The following SPPL3 variants were observed in gnomAD, a reference collection of about 807,000 sequenced individuals.
The protein encoded by SPPL3 is signal peptide peptidase-like 3.
Under a neutral mutation model 42.4 loss-of-function variants are expected in SPPL3, and 5 were observed. The ratio of observed to expected loss-of-function variants is 0.12; its 90% CI spans 0.06 to 0.25. SPPL3 has a LOEUF of 0.25. Ranked by LOEUF, SPPL3 falls within the 10% of genes least tolerant of loss-of-function variation. The probability of loss-of-function intolerance (pLI) is 1.00; values close to 1 mark genes in which losing one functional copy is unlikely to be tolerated. For synonymous variants in SPPL3, 195 were observed against 181.8 expected (o/e 1.07, Z -0.58); for missense variants, 235 against 489.0 (o/e 0.48, Z 4.90).
chr12:120,880,350 C>T (rs1462942047), intron 1 of SPPL3, among the ~76,000 whole-genome samples: 2 of 151,980 alleles, frequency 1.3e-5, no homozygotes, highest in Non-Finnish European at 2.9e-5. Flanking sequence ...GGCTTCATGA[C>T]ATTGGATTTG....
intron 6 of SPPL3, among the ~76,000 whole-genome samples, chr12:120,774,606 C>A: frequency 6.6e-6 from 1 of 152,146 alleles, no homozygotes; most frequent in Non-Finnish European, 1.5e-5. Context: ...ATCCTTTTGA[C>A]TGTCTCAGAG....
At chr12:120,876,623 A>AAAAAAAAAG (rs1242326412) in intron 1 of SPPL3, among the ~76,000 whole-genome samples, 4 of 149,714 alleles carry the variant, frequency 2.7e-5, no homozygotes, top group African/African-American at 7.4e-5. Flanking sequence ...TCTCAAAAAA[A>AAAAAAAAAG]AAAAAAAAAA....
intron 1 of SPPL3, among the ~76,000 whole-genome samples, chr12:120,878,935 G>A (rs985369149): frequency 1.3e-5 from 2 of 151,734 alleles, no homozygotes; most frequent in South Asian, 4.2e-4. Context: ...CCAACATGGA[G>A]AAACCCCGTC....
intron 1 of SPPL3, among the ~76,000 whole-genome samples, chr12:120,859,102 A>G (rs557147216): frequency 2.6e-5 from 4 of 152,128 alleles, no homozygotes; most frequent in African/African-American, 9.6e-5. Flanking sequence ...TATAAAGAAA[A>G]CATACAGATT....
At chr12:120,806,772 G>T (rs1045980244) in intron 2 of SPPL3, among the ~76,000 whole-genome samples, 1 of 151,678 alleles carries the variant, frequency 6.6e-6, no homozygotes, top group Non-Finnish European at 1.5e-5. Flanking sequence ...GCGTGAAGCC[G>T]GGAGGCAGAG....
At chr12:120,897,451 C>T (rs1039606976) in intron 1 of SPPL3, among the ~76,000 whole-genome samples, 17 of 152,288 alleles carry the variant, frequency 1.1e-4, no homozygotes, top group African/African-American at 2.9e-4. Flanking sequence ...GGGCCGGGAG[C>T]GGTGGCTCAC....
chr12:120,772,937 T>C (rs148573618), intron 6 of SPPL3, among the ~76,000 whole-genome samples: 10 of 152,372 alleles, frequency 6.6e-5, no homozygotes, highest in Admixed American at 2.6e-4. Flanking sequence ...CCTGACTTTA[T>C]AATCATATAG....
At chr12:120,783,905 T>C (rs934528249) in intron 4 of SPPL3, among the ~76,000 whole-genome samples, 153 bp from the exon 5 acceptor site, 1 of 152,142 alleles carries the variant, frequency 6.6e-6, no homozygotes, top group South Asian at 2.1e-4. Flanking sequence ...AAAAAATCTC[T>C]TCATTATTAA....
At chr12:120,818,766 G>A (rs922175376) in intron 1 of SPPL3, among the ~76,000 whole-genome samples, 1 of 152,194 alleles carries the variant, frequency 6.6e-6, no homozygotes, top group South Asian at 2.1e-4. Flanking sequence ...AAGAGCTTTA[G>A]CACATGTGGG....
Position 120,904,082 on chromosome 12 carries a change from C to T in SPPL3, c.-215G>A. 3.1e-6 allele frequency: 1 copy of T among 327,608 alleles called. No homozygotes were observed. Among genetic ancestry groups the T allele is most frequent in the Admixed American group, 5.0e-5 (1 of 20,124 alleles). 20.3% of individuals were successfully genotyped at this position (327,608 alleles called of 1,614,324 possible). A position where few individuals can be genotyped will look rare whatever the true frequency, so the allele number is the denominator to read the frequency against. On this transcript the variant is annotated 5_prime_UTR_variant, in exon 1 of 11. Coordinates refer to ENST00000353487, the MANE Select transcript of SPPL3 (RefSeq NM_139015.5). ...TCCCTGGGCCCCGGGGCGGGGCGGG[C>T]TCCGCTCTCGGCCTCCCTCACCCGC...
chr12:120,882,504 TAGAA>T lies in SPPL3; in HGVS notation c.23+21337_23+21340del, dbSNP rs566730916. Among the ~76,000 whole-genome samples the T allele has an allele frequency of 1.8e-4, 28 of 152,200 alleles. 1 individual carries two copies. The highest frequency in any genetic ancestry group is 1.5e-3 in the South Asian group (7 of 4,822). ...TTTCATGCACACATTTCTAGAAAGATAGAAAGAAAACTGGTTATAAGCTTTCTTG... is the reference window on the plus strand; with the variant it reads ...TTTCATGCACACATTTCTAGAAAGATAGAAAACTGGTTATAAGCTTTCTTG... On this transcript the variant is annotated intron_variant, in intron 1 of 10. Coordinates refer to ENST00000353487, the MANE Select transcript of SPPL3 (RefSeq NM_139015.5).
At chr12:120,897,445 C>T (rs187726758) in intron 1 of SPPL3, among the ~76,000 whole-genome samples, 20 of 152,270 alleles carry the variant, frequency 1.3e-4, no homozygotes, top group East Asian at 3.9e-4. Flanking sequence ...GAGCAAGGGC[C>T]GGGAGCGGTG....
intron 1 of SPPL3, among the ~76,000 whole-genome samples, chr12:120,875,261 A>G (rs1290900982): frequency 6.6e-6 from 1 of 152,218 alleles, no homozygotes; most frequent in Non-Finnish European, 1.5e-5. Flanking sequence ...TAAAACAGAA[A>G]AAAATTAAAA....
intron 6 of SPPL3, among the ~76,000 whole-genome samples, chr12:120,774,280 T>C (rs886355317): frequency 1.3e-5 from 2 of 152,254 alleles, no homozygotes; most frequent in African/African-American, 2.4e-5. Flanking sequence ...TCCCTCCCTC[T>C]TACTCTTTCC....
chr12:120,790,011 C>T (rs183488604), intron 3 of SPPL3, among the ~76,000 whole-genome samples: 48 of 152,142 alleles, frequency 3.2e-4, no homozygotes, highest in Admixed American at 3.0e-3. Context: ...GGTTTAAGAA[C>T]ATCACTTGCA....
chr12:120,834,854 T>G (rs1057312891), intron 1 of SPPL3, among the ~76,000 whole-genome samples: 4 of 152,212 alleles, frequency 2.6e-5, no homozygotes, highest in African/African-American at 9.7e-5. Flanking sequence ...ATCTTTTAAA[T>G]CATCACATGG....
intron 1 of SPPL3, among the ~76,000 whole-genome samples, chr12:120,860,849 T>C (rs1360525365): frequency 6.6e-6 from 1 of 152,174 alleles, no homozygotes. Context: ...TCCCTATCTT[T>C]GGGGGACTGG....
chr12:120,769,984 AC>A (rs1869058141), intron 6 of SPPL3: 1 of 149,754 alleles, frequency 6.7e-6, no homozygotes, highest in Non-Finnish European at 1.5e-5. Flanking sequence ...TTCTCTATAG[AC>A]CCCAAAACAT....
At chr12:120,864,615 C>T (rs1482641425) in intron 1 of SPPL3, among the ~76,000 whole-genome samples, 2 of 152,186 alleles carry the variant, frequency 1.3e-5, no homozygotes, top group Admixed American at 6.5e-5. Context: ...TCAGTCCTTT[C>T]ATTTTTTACA....
Sources: allele counts gnomAD v4.1 joint callset (sites outside exome capture counted in the v4.1 genomes callset), GRCh38; gene constraint gnomAD v4.1.1; transcripts MANE v1.5; gene names NCBI Gene and HGNC (gene_info 2026-07-23, HGNC 2026-07-21).